Variants in NXPH1 observed in about 807,000 individuals in gnomAD.
NXPH1 encodes the protein neurexophilin-1.
Under a neutral mutation model 23.7 loss-of-function variants are expected in NXPH1, and 5 were observed. The ratio of observed to expected loss-of-function variants is 0.21; its 90% CI spans 0.11 to 0.44. The LOEUF is 0.44. NXPH1 is among the 20% of genes least tolerant of loss of function. NXPH1 has a pLI of 0.99. For missense variants in NXPH1, 324 were observed against 321.6 expected (o/e 1.01, Z -0.06); for synonymous variants, 144 against 122.2 (o/e 1.18, Z -1.18).
At chr7:8,619,211 C>T (rs991377566) in intron 2 of NXPH1, among the ~76,000 whole-genome samples, 1 of 151,206 alleles carries the variant, frequency 6.6e-6, no homozygotes, top group Admixed American at 6.7e-5. Context: ...TGAAGGGGCA[C>T]TGATTTGTGT....
At chr7:8,650,229 A>AGTCT (rs1820469590) in intron 2 of NXPH1, among the ~76,000 whole-genome samples, 1 of 152,202 alleles carries the variant, frequency 6.6e-6, no homozygotes, top group East Asian at 1.9e-4. Context: ...GAAACTTCCA[A>AGTCT]GTCTGCCTTT....
intron 2 of NXPH1, among the ~76,000 whole-genome samples, chr7:8,521,043 C>A (rs1362596097): frequency 3.3e-5 from 5 of 152,156 alleles, no homozygotes; most frequent in Non-Finnish European, 7.4e-5. Context: ...ATAACTTGAT[C>A]AGATGATGTT....
chr7:8,563,015 C>T lies in NXPH1; in HGVS notation c.54+127248C>T, dbSNP rs547295604. On this transcript the variant is annotated intron_variant, in intron 2 of 2. Coordinates refer to ENST00000405863, the MANE Select transcript of NXPH1 (RefSeq NM_152745.3). The stretch of plus-strand genomic sequence containing the variant: ...CCAGTAGATAATTAAGTTATGAATT[C>T]TAACCTATAAGCATATACATACTTA... 4.0e-5 allele frequency among the ~76,000 whole-genome samples: 6 copies of T among 151,786 alleles called. No individual in the cohort carries two copies. In the South Asian group the frequency reaches 1.2e-3, roughly 31 times the overall value.
chr7:8,720,056 A>C (rs1320721398), intron 2 of NXPH1, among the ~76,000 whole-genome samples: 1 of 152,204 alleles, frequency 6.6e-6, no homozygotes, highest in Non-Finnish European at 1.5e-5. Context: ...TATTATGAAC[A>C]GTATGATCTG....
intron 2 of NXPH1, among the ~76,000 whole-genome samples, chr7:8,710,525 G>A (rs1345163533): frequency 1.3e-5 from 2 of 151,460 alleles, no homozygotes; most frequent in African/African-American, 4.8e-5. Context: ...AGGAAAACAA[G>A]ATCAAGGGGA....
chr7:8,536,453 G>A (rs1818027619), intron 2 of NXPH1, among the ~76,000 whole-genome samples: 1 of 151,986 alleles, frequency 6.6e-6, no homozygotes, highest in African/African-American at 2.4e-5. Flanking sequence ...ACAAACTCTG[G>A]TAACTGAAGT....
At chr7:8,634,421 G>T (rs1227936109) in intron 2 of NXPH1, among the ~76,000 whole-genome samples, 1 of 152,024 alleles carries the variant, frequency 6.6e-6, no homozygotes, top group Non-Finnish European at 1.5e-5. Flanking sequence ...AATTTACTTT[G>T]TAAATTAAGT....
At chr7:8,568,524 G>T (rs1196632046) in intron 2 of NXPH1, among the ~76,000 whole-genome samples, 1 of 151,520 alleles carries the variant, frequency 6.6e-6, no homozygotes, top group Non-Finnish European at 1.5e-5. Flanking sequence ...ACAGCATTAT[G>T]ACCTCCTAAC....
At chr7:8,734,851 G>C (rs186852703) in intron 2 of NXPH1, among the ~76,000 whole-genome samples, 2 of 152,040 alleles carry the variant, frequency 1.3e-5, no homozygotes, top group Non-Finnish European at 2.9e-5. Context: ...TCCTTGAAGA[G>C]GTCCTTCATA....
intron 2 of NXPH1, among the ~76,000 whole-genome samples, chr7:8,715,552 C>T (rs1210065153): frequency 3.9e-5 from 6 of 152,074 alleles, no homozygotes; most frequent in Admixed American, 3.9e-4. Context: ...AATTTTTCAG[C>T]CAGATCTCCT....
Position 8,617,554 on chromosome 7 carries a change from A to G in NXPH1, c.55-133454A>G, listed in dbSNP as rs117563195. ...TTACATTAAGTGAAATAAGCCAGGC[A>G]CAGAAAGACAAACCTTGCATGTTCT... On this transcript the variant is annotated intron_variant, in intron 2 of 2. Coordinates refer to ENST00000405863, the MANE Select transcript of NXPH1 (RefSeq NM_152745.3). Among the ~76,000 whole-genome samples the G allele has an allele frequency of 7.8e-3, 1,182 of 152,278 alleles. 13 individuals carry two copies. Among genetic ancestry groups the G allele is most frequent in the Middle Eastern group, 0.044 (13 of 294 alleles).
rs149699873 is a variant in NXPH1, at chr7:8,735,592, A to C, written c.55-15416A>C. On this transcript the variant is annotated intron_variant, in intron 2 of 2. Coordinates refer to ENST00000405863, the MANE Select transcript of NXPH1 (RefSeq NM_152745.3). ...ATGTTCATCAGGGATATTGGCCTGA[A>C]ATTTTCATTTTTTGTTGTGTCTCTG... Among the ~76,000 whole-genome samples, 1,434 of 152,174 alleles carry C rather than the reference A, an allele frequency of 9.4e-3. 27 individuals are homozygous for C. Among genetic ancestry groups the C allele is most frequent in the African/African-American group, 0.033 (1,349 of 41,504 alleles).
Position 8,611,500 on chromosome 7 carries a change from C to G in NXPH1, c.55-139508C>G, listed in dbSNP as rs148049843. On this transcript the variant is annotated intron_variant, in intron 2 of 2. Coordinates refer to ENST00000405863, the MANE Select transcript of NXPH1 (RefSeq NM_152745.3). ...ACAGAGAATCGTTTGGATTGTTGAT[C>G]ACTATCAGTAGCAATAGGTGATGAA... Among the ~76,000 whole-genome samples, 617 of 152,222 alleles carry G rather than the reference C, an allele frequency of 4.1e-3. 4 individuals are homozygous for G. The highest frequency in any genetic ancestry group is 0.014 in the African/African-American group (586 of 41,536).
chr7:8,657,404 C>A (rs7802092), intron 2 of NXPH1, among the ~76,000 whole-genome samples: 95,768 of 151,704 alleles, frequency 0.63, 31,046 homozygotes, highest in East Asian at 0.83. Flanking sequence ...TTCCTGTATT[C>A]TTTTGAGCAG....
intron 2 of NXPH1, among the ~76,000 whole-genome samples, chr7:8,563,279 T>C (rs1818479707): frequency 6.6e-6 from 1 of 151,724 alleles, no homozygotes; most frequent in South Asian, 2.1e-4. Flanking sequence ...TTGTGTATTT[T>C]AAAAAAGAAG....
chr7:8,520,063 C>A (rs530066787), intron 2 of NXPH1, among the ~76,000 whole-genome samples: 2 of 151,974 alleles, frequency 1.3e-5, no homozygotes, highest in Non-Finnish European at 2.9e-5. Context: ...TTTCATTATA[C>A]AAAAAGAATG....
At chr7:8,601,369 C>A (rs1265040262) in intron 2 of NXPH1, among the ~76,000 whole-genome samples, 1 of 151,818 alleles carries the variant, frequency 6.6e-6, no homozygotes. Flanking sequence ...TTTTTGTTGC[C>A]AAATCACTTT....
intron 2 of NXPH1, among the ~76,000 whole-genome samples, chr7:8,726,315 A>T (rs1780051895): frequency 7.1e-6 from 1 of 140,740 alleles, no homozygotes. Flanking sequence ...AATAATTTTC[A>T]TTTTTTTGTT....
chr7:8,636,300 G>A (rs1483117160), intron 2 of NXPH1, among the ~76,000 whole-genome samples: 2 of 152,010 alleles, frequency 1.3e-5, no homozygotes, highest in African/African-American at 4.8e-5. Context: ...GGGCACCGTG[G>A]GCATATTTAA....
Sources: gnomAD v4.1 joint callset for allele counts (sites outside exome capture counted in the v4.1 genomes callset) on GRCh38, gnomAD v4.1.1 for gene constraint, MANE v1.5 for transcripts, NCBI Gene and HGNC (gene_info 2026-07-23, HGNC 2026-07-21) for gene names.